Variants in FLRT2 observed in about 807,000 individuals in gnomAD.
FLRT2 encodes the protein fibronectin leucine rich transmembrane protein 2, also known as leucine-rich repeat transmembrane protein FLRT2.
FLRT2 carries 15 observed loss-of-function variants against 40.0 expected under a neutral mutation model. The observed-to-expected ratio is 0.38, with a 90% confidence interval of 0.25 to 0.58. The LOEUF is 0.58. Among genes scored for constraint, FLRT2 ranks in the 20% least tolerant of loss-of-function variants. The pLI is 0.71. For synonymous variants in FLRT2, 380 were observed against 336.8 expected (o/e 1.13, Z -1.41); for missense variants, 726 against 840.0 (o/e 0.86, Z 1.68).
In FLRT2 at chr14:85,635,315, C is replaced by T. The variant is rs780575554; in HGVS notation, c.*11818C>T. On this transcript the variant is annotated 3_prime_UTR_variant, in exon 2 of 2. Coordinates refer to ENST00000330753, the MANE Select transcript of FLRT2 (RefSeq NM_013231.6). ...TTCACTTCAGTGGTTGGCATATATT[C>T]AAACCCATTATGGCTGAAAAATTAC... 6 of 152,010 alleles carry T rather than the reference C, an allele frequency of 3.9e-5. No individual in the cohort carries two copies. The highest frequency in any genetic ancestry group is 8.8e-5 in the Non-Finnish European group (6 of 67,976). 9.4% of individuals were successfully genotyped at this position (152,010 alleles called of 1,614,324 possible). A position where few individuals can be genotyped will look rare whatever the true frequency, so the allele number is the denominator to read the frequency against.
At chr14:85,531,409 C>A (rs1409080519) in intron 1 of FLRT2, among the ~76,000 whole-genome samples, 1 of 152,170 alleles carries the variant, frequency 6.6e-6, no homozygotes, top group Non-Finnish European at 1.5e-5. Flanking sequence ...CTGACCAGTA[C>A]GGGGCTCGCT....
chr14:85,610,106 CTT>C (rs1892794558), intron 1 of FLRT2, among the ~76,000 whole-genome samples: 1 of 152,128 alleles, frequency 6.6e-6, no homozygotes, highest in East Asian at 1.9e-4. Flanking sequence ...ACATGGCTGT[CTT>C]TACCCAGCAT....
Position 85,623,478 on chromosome 14 carries a change from T to A in FLRT2, c.1964T>A (p.Leu655Gln), listed in dbSNP as rs1893525419. 1 of 1,447,118 alleles carries A rather than the reference T, an allele frequency of 6.9e-7. No homozygotes were observed. Among genetic ancestry groups the A allele is most frequent in the East Asian group, 2.4e-5 (1 of 41,176 alleles). 89.6% of individuals were successfully genotyped at this position (1,447,118 alleles called of 1,614,324 possible). A position where few individuals can be genotyped will look rare whatever the true frequency, so the allele number is the denominator to read the frequency against. ...TACTGCAACAGCAGCGTGCCAGACCTGGAGCACTGCCATACGTGACAGCCA... is the reference window on the plus strand; with the variant it reads ...TACTGCAACAGCAGCGTGCCAGACCAGGAGCACTGCCATACGTGACAGCCA... ...MRYCNSSVPDLEHCHT is the reference protein window; with the variant it reads ...MRYCNSSVPDQEHCHT The change falls in exon 2 of 2, where the codon CTG becomes CAG. Residue 655 changes from leucine to glutamine, a missense_variant. By Grantham distance (113) the Leu-to-Gln change is moderately radical. Coordinates refer to ENST00000330753, the MANE Select transcript of FLRT2 (RefSeq NM_013231.6).
rs773864180 is a variant in FLRT2, at chr14:85,622,431, C to T, written c.917C>T (p.Thr306Ile). The T allele has an allele frequency of 6.2e-7, 1 of 1,614,196 alleles. No individual in the cohort carries two copies. The highest frequency in any genetic ancestry group is 8.5e-7 in the Non-Finnish European group (1 of 1,180,030). ...AATCTCTCCAACCTGAAGCAGCTCA[C>T]TGCTCGGAATAACCCTTGGTTTTGT... The part of the protein sequence containing the change: ...FDNLSNLKQL[T>I]ARNNPWFCDC... Residue 306 changes from threonine to isoleucine, a missense_variant, in exon 2 of 2, where the codon ACT (threonine) becomes ATT (isoleucine). By Grantham distance (89) the Thr-to-Ile change is moderately conservative. This residue lies in a region of FLRT2 where 611 missense variants were observed against 690.0 expected (regional missense o/e 0.89). Transcript: ENST00000330753.
At chr14:85,573,381 C>T (rs1285183297) in intron 1 of FLRT2, among the ~76,000 whole-genome samples, 1 of 152,018 alleles carries the variant, frequency 6.6e-6, no homozygotes, top group East Asian at 1.9e-4. Flanking sequence ...ATTTTTAGGT[C>T]AGTGCAATTA....
intron 1 of FLRT2, among the ~76,000 whole-genome samples, chr14:85,594,938 T>C (rs561941984): frequency 6.6e-5 from 10 of 152,290 alleles, no homozygotes; most frequent in African/African-American, 2.2e-4. Context: ...AAAGAAAATG[T>C]TATTAAGGAA....
Position 85,637,410 on chromosome 14 carries a change from A to G in FLRT2, c.*13913A>G, listed in dbSNP as rs572341113. The G allele has an allele frequency of 1.6e-3, 249 of 152,264 alleles. 1 individual carries two copies. The highest frequency in any genetic ancestry group is 5.6e-3 in the African/African-American group (234 of 41,554). The allele number at this position is 152,264 out of a possible 1,614,324, so 9.4% of individuals were successfully genotyped here. A position where few individuals can be genotyped will look rare whatever the true frequency, so the allele number is the denominator to read the frequency against. ...TCACCTCTTTAATGTTTGGTTTCAT[A>G]TTTTTTAAAAGGTATAACAAAAACA... On this transcript the variant is annotated 3_prime_UTR_variant, in exon 2 of 2. Transcript: ENST00000330753.
chr14:85,535,354 C>CA (rs3084489), intron 1 of FLRT2, among the ~76,000 whole-genome samples: 57 of 147,200 alleles, frequency 3.9e-4, no homozygotes, highest in South Asian at 8.6e-4. Context: ...AGCCCCCCCC[C>CA]AAAAAAAAAA....
rs145143177 is a variant in FLRT2, at chr14:85,653,673, G to A, written c.*30176G>A. The A allele has an allele frequency of 6.6e-6, 1 of 152,228 alleles. No individual in the cohort carries two copies. Among genetic ancestry groups the A allele is most frequent in the East Asian group, 1.9e-4 (1 of 5,170 alleles). 9.4% of individuals were successfully genotyped at this position (152,228 alleles called of 1,614,324 possible). A position where few individuals can be genotyped will look rare whatever the true frequency, so the allele number is the denominator to read the frequency against. ...AGCCCACACGGAGACTGGAGATGTA[G>A]ACTATTAAGAGCACTCAGCCACAGA... On this transcript the variant is annotated 3_prime_UTR_variant, in exon 2 of 2. Coordinates refer to ENST00000330753, the MANE Select transcript of FLRT2 (RefSeq NM_013231.6).
intron 1 of FLRT2, among the ~76,000 whole-genome samples, chr14:85,617,870 C>A (rs913289489): frequency 1.3e-5 from 2 of 152,154 alleles, no homozygotes; most frequent in African/African-American, 4.8e-5. Context: ...CTAGATGGGA[C>A]TTTTCTCCTA....
chr14:85,611,351 G>A (rs1892848096), intron 1 of FLRT2, among the ~76,000 whole-genome samples: 1 of 152,198 alleles, frequency 6.6e-6, no homozygotes, highest in Non-Finnish European at 1.5e-5. Context: ...CACTTCACTT[G>A]GTTTGGAATG....
At chr14:85,530,734 T>C (rs1270995267) in intron 1 of FLRT2, among the ~76,000 whole-genome samples, 200 bp downstream of exon 1, 2 of 152,098 alleles carry the variant, frequency 1.3e-5, no homozygotes, top group East Asian at 3.9e-4. Flanking sequence ...TGGGGACATC[T>C]GTCTGCTGGT....
chr14:85,576,383 G>A (rs1361440439), intron 1 of FLRT2, among the ~76,000 whole-genome samples: 4 of 152,126 alleles, frequency 2.6e-5, no homozygotes, highest in Non-Finnish European at 5.9e-5. Context: ...CAGAGACATT[G>A]TAATTTGTCC....
At chr14:85,614,811 T>A (rs1331909387) in intron 1 of FLRT2, among the ~76,000 whole-genome samples, 1 of 152,194 alleles carries the variant, frequency 6.6e-6, no homozygotes, top group African/African-American at 2.4e-5. Context: ...AAAAAATCAG[T>A]TATTTTCTCT....
chr14:85,564,128 T>G (rs1057194461), intron 1 of FLRT2, among the ~76,000 whole-genome samples: 3 of 152,228 alleles, frequency 2.0e-5, no homozygotes, highest in Admixed American at 6.5e-5. Flanking sequence ...AATGTTGACA[T>G]GGCAGAACAC....
intron 1 of FLRT2, among the ~76,000 whole-genome samples, chr14:85,591,949 T>G (rs943740746): frequency 3.3e-5 from 5 of 152,176 alleles, no homozygotes; most frequent in African/African-American, 1.2e-4. Context: ...GCTATATAAT[T>G]TTAATATGCA....
intron 1 of FLRT2, among the ~76,000 whole-genome samples, chr14:85,579,925 A>ATTTTTTTTTTTTTTTTTTTTT (rs4015970): frequency 1.7e-5 from 2 of 117,582 alleles, no homozygotes; most frequent in African/African-American, 3.3e-5. Context: ...GGGTATTAGA[A>ATTTTTTTTTTTTTTTTTTTTT]TTTTTTTTTT....
chr14:85,533,096 G>A (rs1255761965), intron 1 of FLRT2, among the ~76,000 whole-genome samples: 1 of 152,178 alleles, frequency 6.6e-6, no homozygotes, highest in Non-Finnish European at 1.5e-5. Context: ...GGTAGCAGCC[G>A]CGCCTCCCAA....
intron 1 of FLRT2, among the ~76,000 whole-genome samples, chr14:85,604,084 T>C (rs891720908): frequency 1.3e-5 from 2 of 152,104 alleles, no homozygotes; most frequent in Non-Finnish European, 2.9e-5. Flanking sequence ...CCTAAATCTA[T>C]CCCAACCTGT....
Sources: gnomAD v4.1 joint callset for allele counts (sites outside exome capture counted in the v4.1 genomes callset) on GRCh38, gnomAD v4.1.1 for gene constraint, gnomAD v4.1.1 regional missense constraint, MANE v1.5 for transcripts, NCBI Gene and HGNC (gene_info 2026-07-23, HGNC 2026-07-21) for gene names.